The following DDIAS variants were observed in gnomAD, a reference collection of about 807,000 sequenced individuals.
The protein encoded by DDIAS is DNA damage-induced apoptosis suppressor protein.
In DDIAS, 14 loss-of-function variants were observed where a neutral mutation model predicts 15.7. The observed-to-expected ratio is 0.89, with a 90% CI of 0.59 to 1.39. DDIAS has a LOEUF of 1.39. DDIAS is among the 40% of genes most tolerant of loss of function. The pLI is 0.00. For synonymous variants in DDIAS, 355 were observed against 395.9 expected (o/e 0.90, Z 1.23); for missense variants, 1,035 against 1,130.9 (o/e 0.92, Z 1.22).
At chr11:82,902,323 C>T (rs1410240944) in intron 1 of DDIAS, among the ~76,000 whole-genome samples, 4 of 152,142 alleles carry the variant, frequency 2.6e-5, no homozygotes, top group Non-Finnish European at 5.9e-5. Context: ...GTTCACTTCT[C>T]TCCGTTTTTT....
At chr11:82,911,060 T>C (rs1860523120) in intron 1 of DDIAS, among the ~76,000 whole-genome samples, 1 of 152,216 alleles carries the variant, frequency 6.6e-6, no homozygotes, top group African/African-American at 2.4e-5. Flanking sequence ...AAAAACACTT[T>C]ATTATTAAAA....
chr11:82,929,914 T>C (rs747230360), intron 4 of DDIAS, among the ~76,000 whole-genome samples: 1 of 152,172 alleles, frequency 6.6e-6, no homozygotes, highest in Non-Finnish European at 1.5e-5. Flanking sequence ...TTTTTCCTTA[T>C]AATCATTGCC....
At chr11:82,926,381 G>A (rs895825711) in intron 3 of DDIAS, among the ~76,000 whole-genome samples, 1 of 151,934 alleles carries the variant, frequency 6.6e-6, no homozygotes, top group Non-Finnish European at 1.5e-5. Flanking sequence ...GAGCCATCAC[G>A]CCTGGCCCAA....
chr11:82,907,541 A>G (rs542811546), intron 1 of DDIAS, among the ~76,000 whole-genome samples: 1 of 152,152 alleles, frequency 6.6e-6, no homozygotes, highest in Non-Finnish European at 1.5e-5. Flanking sequence ...ATAGTTCTTC[A>G]TTCATGCAAT....
At chr11:82,917,786 T>G (rs1860660621) in intron 3 of DDIAS, among the ~76,000 whole-genome samples, 1 of 152,156 alleles carries the variant, frequency 6.6e-6, no homozygotes, top group Non-Finnish European at 1.5e-5. Context: ...GTTCTCTGAT[T>G]GCTGCATCCA....
intron 3 of DDIAS, chr11:82,922,626 G>A (rs889211048): frequency 6.6e-6 from 1 of 151,898 alleles, no homozygotes; most frequent in Non-Finnish European, 1.5e-5. Context: ...ATTGTTTTTT[G>A]GATTTCCTTG....
chr11:82,910,012 T>TTTGTC (rs1375067380), intron 1 of DDIAS, among the ~76,000 whole-genome samples: 1 of 152,182 alleles, frequency 6.6e-6, no homozygotes, highest in Non-Finnish European at 1.5e-5. Flanking sequence ...CATTTCTATG[T>TTTGTC]TTGTCATCAT....
At position 82,932,676 on chromosome 11, in the gene DDIAS, T is replaced by C. The variant is rs1178817631; in HGVS notation, c.1338T>C (p.His446=). Residue 446 remains histidine (H), a synonymous_variant, in exon 6 of 6, where the codon CAT becomes CAC. Transcript: ENST00000533655. Reference sequence around the variant, plus strand: ...CAGATGTCAGTAGTAGGAAACATCATGTAGATAATGACATTGATAAATTTC... The same window carrying C: ...CAGATGTCAGTAGTAGGAAACATCACGTAGATAATGACATTGATAAATTTC... The part of the protein sequence containing the change: ...TQADVSSRKH[H]VDNDIDKFHA... 3 of 1,614,040 alleles carry C rather than the reference T, an allele frequency of 1.9e-6. No individual in the cohort carries two copies. The highest frequency in any genetic ancestry group is 4.5e-5 in the East Asian group (2 of 44,882).
intron 4 of DDIAS, 43 bp from the exon 5 acceptor site, chr11:82,930,114 C>A: frequency 8.5e-7 from 1 of 1,170,512 alleles, no homozygotes; most frequent in Non-Finnish European, 1.2e-6. Flanking sequence ...AGTAAAATTT[C>A]AAAGTTCATT....
At position 82,932,513 on chromosome 11, in the gene DDIAS, C is replaced by T. The variant is rs747409206; in HGVS notation, c.1175C>T (p.Pro392Leu). The T allele has an allele frequency of 2.7e-5, 44 of 1,614,042 alleles. No homozygotes were observed. Among genetic ancestry groups the T allele is most frequent in the Non-Finnish European group, 3.3e-5 (39 of 1,180,044 alleles). ...CTTCAGAAGAGATCTGCATGTTGTC[C>T]ACCTTCGTTACTCAGACTTGAAGAG... ...TSLQKRSACC[P>L]PSLLRLEETA... Residue 392 changes from proline to leucine, a missense_variant, in exon 6 of 6, where the codon CCA (proline) becomes CTA (leucine). Pro to Leu is a moderately conservative substitution (Grantham distance 98). Coordinates refer to ENST00000533655, the MANE Select transcript of DDIAS (RefSeq NM_145018.4).
intron 3 of DDIAS, among the ~76,000 whole-genome samples, chr11:82,928,177 C>CTTTTTTTTTTTTTTTTTTTTTTT (rs541845327): frequency 2.9e-5 from 1 of 34,172 alleles, no homozygotes; most frequent in Non-Finnish European, 5.6e-5. Context: ...TTTTTGTCCT[C>CTTTTTTTTTTTTTTTTTTTTTTT]TTTTTTTTTT....
Position 82,934,139 on chromosome 11 carries a change from C to A in DDIAS, c.2801C>A (p.Thr934Asn), listed in dbSNP as rs1487450127. ...MLAAVVTKKK[T>N]HKYNCKSSGW... ...GCAGCAGTTGTTACGAAAAAGAAAACTCATAAATATAACTGTAAAAGTTCA... is the reference window on the plus strand; with the variant it reads ...GCAGCAGTTGTTACGAAAAAGAAAAATCATAAATATAACTGTAAAAGTTCA... The change falls in exon 6 of 6, where the codon ACT becomes AAT. Residue 934 changes from threonine to asparagine, a missense_variant. Transcript: ENST00000533655. 5 of 1,610,262 alleles carry A rather than the reference C, an allele frequency of 3.1e-6. No homozygotes were observed. Among genetic ancestry groups the A allele is most frequent in the Non-Finnish European group, 4.2e-6 (5 of 1,179,220 alleles).
intron 3 of DDIAS, among the ~76,000 whole-genome samples, chr11:82,915,792 G>C (rs1860621721): frequency 6.6e-6 from 1 of 152,110 alleles, no homozygotes; most frequent in South Asian, 2.1e-4. Context: ...CCCTTTTCAG[G>C]TTCTTGCCTG....
In DDIAS at chr11:82,923,224, T is replaced by G. The variant is rs187815801; in HGVS notation, c.114-5553T>G. On this transcript the variant is annotated intron_variant, in intron 3 of 5. Transcript: ENST00000533655. ...CCCCAACATGCTGCTTTGTCCGAGT[T>G]GGAGCTGCAATCTAATCCTGCCTCC... Among the ~76,000 whole-genome samples the G allele has an allele frequency of 2.5e-3, 385 of 152,352 alleles. 1 individual carries two copies. The highest frequency in any genetic ancestry group is 3.4e-3 in the Non-Finnish European group (229 of 68,034).
At chr11:82,925,031 C>T (rs1860830254) in intron 3 of DDIAS, among the ~76,000 whole-genome samples, 2 of 152,102 alleles carry the variant, frequency 1.3e-5, no homozygotes, top group Non-Finnish European at 2.9e-5. Context: ...CCAGAGGCTA[C>T]ATAACACGTA....
In DDIAS at chr11:82,933,371, A is replaced by T. The variant is rs1861044258; in HGVS notation, c.2033A>T (p.Asp678Val). The change falls in exon 6 of 6, where the codon GAT becomes GTT. Residue 678 changes from aspartate (D) to valine (V), a missense_variant. Asp to Val is a radical substitution (Grantham distance 152, BLOSUM62 -3). Transcript: ENST00000533655. ...GYEGSYDASA[D>V]LFDDIAKEMD... ...GAAGGTAGCTATGATGCCTCTGCTG[A>T]TCTCTTTGATGATATTGCTAAAGAA... The T allele has an allele frequency of 6.2e-7, 1 of 1,613,944 alleles. No homozygotes were observed. Among genetic ancestry groups the T allele is most frequent in the Admixed American group, 1.7e-5 (1 of 60,010 alleles).
At chr11:82,917,672 T>C (rs1469622663) in intron 3 of DDIAS, among the ~76,000 whole-genome samples, 5 of 152,184 alleles carry the variant, frequency 3.3e-5, no homozygotes, top group Non-Finnish European at 7.3e-5. Context: ...AGCAGTGGGA[T>C]TGCTGGATCA....
At position 82,932,641 on chromosome 11, in the gene DDIAS, G is replaced by A. The variant is rs1223133195; in HGVS notation, c.1303G>A (p.Val435Ile). The A allele has an allele frequency of 3.1e-6, 5 of 1,613,964 alleles. No homozygotes were observed. The highest frequency in any genetic ancestry group is 4.2e-6 in the Non-Finnish European group (5 of 1,180,040). The change falls in exon 6 of 6, where the codon GTA (valine) becomes ATA (isoleucine). Residue 435 changes from valine to isoleucine, a missense_variant. Val to Ile is a conservative substitution (Grantham distance 29, BLOSUM62 3). Transcript: ENST00000533655. ...FLAVLESEIA[V>I]TQADVSSRKH... ...GGCAGTTCTTGAAAGTGAGATTGCT[G>A]TAACCCAGGCAGATGTCAGTAGTAG...
At chr11:82,917,802 A>G (rs1313700245) in intron 3 of DDIAS, among the ~76,000 whole-genome samples, 1 of 152,154 alleles carries the variant, frequency 6.6e-6, no homozygotes, top group Non-Finnish European at 1.5e-5. Flanking sequence ...ATCCACACCA[A>G]CATCTACTGG....
Sources: allele counts gnomAD v4.1 joint callset (sites outside exome capture counted in the v4.1 genomes callset), GRCh38; gene constraint gnomAD v4.1.1; transcripts MANE v1.5; gene names NCBI Gene and HGNC (gene_info 2026-07-23, HGNC 2026-07-21).